Variants in UGGT2 observed in about 807,000 individuals in gnomAD.
UGGT2 encodes the protein UDP-glucose:glycoprotein glucosyltransferase 2.
In UGGT2, 180 loss-of-function variants were observed where a neutral mutation model predicts 192.1. That is an observed-to-expected ratio of 0.94 (90% CI 0.83 to 1.06). The LOEUF is 1.06. Among genes scored for constraint, UGGT2 ranks in the 50% least tolerant of loss-of-function variants. The pLI is 0.00. For missense variants in UGGT2, 1,849 were observed against 1,795.7 expected (o/e 1.03, Z -0.54); for synonymous variants, 580 against 591.0 (o/e 0.98, Z 0.27).
chr13:95,883,946 G>T (rs2047566297), intron 27 of UGGT2, among the ~76,000 whole-genome samples: 2 of 151,776 alleles, frequency 1.3e-5, no homozygotes, highest in African/African-American at 4.8e-5. Context: ...CTAGACAAGG[G>T]TCATACCGGG....
chr13:95,961,291 C>T (rs986983868), intron 12 of UGGT2, among the ~76,000 whole-genome samples: 3 of 152,108 alleles, frequency 2.0e-5, no homozygotes, highest in Non-Finnish European at 4.4e-5. Flanking sequence ...AAACTTTACA[C>T]TTAGAAGATA....
Position 95,929,114 on chromosome 13 carries a change from G to C in UGGT2, c.1978-1778C>G, listed in dbSNP as rs529630235. On this transcript the variant is annotated intron_variant, in intron 17 of 38. Coordinates refer to ENST00000376747, the MANE Select transcript of UGGT2 (RefSeq NM_020121.4). ...CAGGCTGAGGCAGGAGAATCAGGCA[G>C]GGAGGTTGCAGTGAGCCAAGATGGA... 2.0e-5 allele frequency among the ~76,000 whole-genome samples: 3 copies of C among 152,270 alleles called. No homozygotes were observed. The East Asian group carries it at 5.8e-4, about 30-fold the overall frequency.
chr13:95,933,705 G>A (rs1049763829), intron 17 of UGGT2, among the ~76,000 whole-genome samples: 9 of 151,876 alleles, frequency 5.9e-5, no homozygotes, highest in Non-Finnish European at 1.0e-4. Flanking sequence ...GTTTTGAGAC[G>A]AAGTCTTGCT....
intron 38 of UGGT2, among the ~76,000 whole-genome samples, chr13:95,808,763 T>C (rs554060296): frequency 2.6e-5 from 4 of 152,298 alleles, no homozygotes; most frequent in South Asian, 4.1e-4. Context: ...GTACACTACA[T>C]ACTCAAATTT....
At chr13:95,966,791 A>G (rs2050593536) in intron 12 of UGGT2, among the ~76,000 whole-genome samples, 1 of 152,202 alleles carries the variant, frequency 6.6e-6, no homozygotes, top group Non-Finnish European at 1.5e-5. Flanking sequence ...GATGAAAAAA[A>G]TTAAAACTAC....
At chr13:95,840,542 C>T (rs1399358603) in intron 36 of UGGT2, among the ~76,000 whole-genome samples, 3 of 152,094 alleles carry the variant, frequency 2.0e-5, no homozygotes, top group Non-Finnish European at 4.4e-5. Context: ...ATGAAAACAT[C>T]TGGAAATAAC....
chr13:95,964,833 G>A lies in UGGT2; in HGVS notation c.1335+5279C>T, dbSNP rs1177168762. On this transcript the variant is annotated intron_variant, in intron 12 of 38. Transcript: ENST00000376747. ...ACCTACAAAATGGGAGAAAATTTTC[G>A]CAACCTACCCATCTGACAAAGGGCT... 4.0e-5 allele frequency among the ~76,000 whole-genome samples: 6 copies of A among 151,104 alleles called. No individual in the cohort carries two copies. The South Asian group carries it at 6.5e-4, about 16-fold the overall frequency.
intron 36 of UGGT2, among the ~76,000 whole-genome samples, chr13:95,837,698 C>A (rs1056756871): frequency 2.0e-4 from 31 of 152,182 alleles, no homozygotes; most frequent in African/African-American, 7.2e-4. Flanking sequence ...GTTTGACTGG[C>A]AAACTAGCCT....
At position 95,863,682 on chromosome 13, in the gene UGGT2, A is replaced by G. The variant is rs778709854; in HGVS notation, c.3591T>C (p.Asp1197=). The G allele has an allele frequency of 6.2e-7, 1 of 1,612,666 alleles. No individual in the cohort carries two copies. Among genetic ancestry groups the G allele is most frequent in the Non-Finnish European group, 8.5e-7 (1 of 1,179,154 alleles). ...TTTTTTCATCTTCATCGGTAAGGAT[A>G]TCTTCCTTAATTTTGTCTGTTTCTT... ...VKKETDKIKE[D]ILTDEDEKTK... The change falls in exon 31 of 39, where the codon GAT becomes GAC. Residue 1197 remains aspartate, a synonymous_variant. Transcript: ENST00000376747.
At chr13:95,823,309 T>C (rs997452958) in intron 38 of UGGT2, among the ~76,000 whole-genome samples, 2 of 152,102 alleles carry the variant, frequency 1.3e-5, no homozygotes, top group Non-Finnish European at 2.9e-5. Flanking sequence ...GGGTATAGCT[T>C]AAGTCCACTG....
chr13:95,919,211 A>T (rs546060257), intron 20 of UGGT2, among the ~76,000 whole-genome samples: 1 of 152,268 alleles, frequency 6.6e-6, no homozygotes, highest in South Asian at 2.1e-4. Context: ...TTAAAGGAAC[A>T]TACCTCAAAA....
chr13:96,021,143 T>A (rs1368125011), intron 4 of UGGT2, among the ~76,000 whole-genome samples: 1 of 152,128 alleles, frequency 6.6e-6, no homozygotes, highest in African/African-American at 2.4e-5. Context: ...CATTACCTCA[T>A]TCCTCAAGGT....
At chr13:95,915,900 T>C (rs1441460055) in intron 20 of UGGT2, among the ~76,000 whole-genome samples, 1 of 152,214 alleles carries the variant, frequency 6.6e-6, no homozygotes, top group Non-Finnish European at 1.5e-5. Flanking sequence ...CTTTGATCTC[T>C]TCCTGAGACA....
Position 95,913,415 on chromosome 13 carries a change from A to G in UGGT2, c.2296-10355T>C, listed in dbSNP as rs191085622. Among the ~76,000 whole-genome samples the G allele has an allele frequency of 3.9e-5, 6 of 152,334 alleles. No individual in the cohort carries two copies. In the East Asian group the frequency reaches 1.2e-3, roughly 29 times the overall value. ...AAGAAAAAAACAAACAACCCCATCAAAAAGTGGGCAAAGGATATGAATAGA... is the reference window on the plus strand; with the variant it reads ...AAGAAAAAAACAAACAACCCCATCAGAAAGTGGGCAAAGGATATGAATAGA... On this transcript the variant is annotated intron_variant, in intron 20 of 38. Transcript: ENST00000376747.
At chr13:95,808,877 T>C (rs917357241) in intron 38 of UGGT2, among the ~76,000 whole-genome samples, 1 of 151,920 alleles carries the variant, frequency 6.6e-6, no homozygotes, top group Non-Finnish European at 1.5e-5. Flanking sequence ...GAATATGGAG[T>C]GGTTTTCTTT....
Position 95,812,689 on chromosome 13 carries a change from G to T in UGGT2, c.4529-10877C>A, listed in dbSNP as rs148235969. Among the ~76,000 whole-genome samples, 3 of 152,142 alleles carry T rather than the reference G, an allele frequency of 2.0e-5. No individual in the cohort carries two copies. In the East Asian group the frequency reaches 5.8e-4, roughly 29 times the overall value. On this transcript the variant is annotated intron_variant, in intron 38 of 38. Coordinates refer to ENST00000376747, the MANE Select transcript of UGGT2 (RefSeq NM_020121.4). ...TGGTGGCAGTCCTTCATGGCTTGGT[G>T]CTGTCTTTGTGATAGTGAGTTCTCA...
chr13:95,830,931 C>T (rs1047673557), intron 38 of UGGT2, among the ~76,000 whole-genome samples: 2 of 152,152 alleles, frequency 1.3e-5, no homozygotes, highest in South Asian at 2.1e-4. Flanking sequence ...ATATACACCA[C>T]GGAATACTAT....
At position 96,006,135 on chromosome 13, in the gene UGGT2, G is replaced by A. The variant is rs564252203; in HGVS notation, c.661-6828C>T. Among the ~76,000 whole-genome samples the A allele has an allele frequency of 5.9e-5, 9 of 152,214 alleles. No homozygotes were observed. In the East Asian group the frequency reaches 1.2e-3, roughly 20 times the overall value. On this transcript the variant is annotated intron_variant, in intron 5 of 38. Transcript: ENST00000376747. ...AAAAGAAGTTGAAACTTTCAGGAGG[G>A]AATTTAAAATAATGATTAACATGTT...
intron 20 of UGGT2, among the ~76,000 whole-genome samples, chr13:95,923,992 G>C (rs1330854933): frequency 3.9e-5 from 6 of 152,108 alleles, no homozygotes; most frequent in African/African-American, 1.4e-4. Flanking sequence ...ACAATGAAAT[G>C]ATGATTTGAT....
Sources: gnomAD v4.1 joint callset for allele counts (sites outside exome capture counted in the v4.1 genomes callset) on GRCh38, gnomAD v4.1.1 for gene constraint, MANE v1.5 for transcripts, NCBI Gene and HGNC (gene_info 2026-07-23, HGNC 2026-07-21) for gene names.